The following DOCK9 variants were observed in gnomAD, a reference collection of about 807,000 sequenced individuals.
DOCK9 encodes the protein dedicator of cytokinesis protein 9.
Under a neutral mutation model 263.3 loss-of-function variants are expected in DOCK9, and 89 were observed. The ratio of observed to expected loss-of-function variants is 0.34; its 90% CI spans 0.28 to 0.40. The LOEUF is 0.40. Among genes scored for constraint, DOCK9 ranks in the 10% least tolerant of loss-of-function variants. The pLI, the probability that DOCK9 is intolerant of heterozygous loss-of-function variation, is 1.00. For missense variants in DOCK9, 2,140 were observed against 2,603.4 expected (o/e 0.82, Z 3.87); for synonymous variants, 976 against 973.1 (o/e 1.00, Z -0.06).
chr13:98,913,680 G>T (rs1398947132), intron 9 of DOCK9, among the ~76,000 whole-genome samples: 1 of 152,118 alleles, frequency 6.6e-6, no homozygotes, highest in Non-Finnish European at 1.5e-5. Flanking sequence ...TGGGAATAAG[G>T]ACAGTGTTTA....
At chr13:98,948,378 A>G (rs1164301185) in intron 2 of DOCK9, among the ~76,000 whole-genome samples, 1 of 152,192 alleles carries the variant, frequency 6.6e-6, no homozygotes, top group Non-Finnish European at 1.5e-5. Flanking sequence ...TCTTGCTAAG[A>G]CATTTATATA....
chr13:99,054,323 T>C (rs1170524805), intron 1 of DOCK9, among the ~76,000 whole-genome samples: 1 of 152,164 alleles, frequency 6.6e-6, no homozygotes, highest in African/African-American at 2.4e-5. Flanking sequence ...CGCCAAAAAT[T>C]TGAAAGGTGG....
At chr13:98,838,842 G>A (rs2093107062) in intron 38 of DOCK9, among the ~76,000 whole-genome samples, 1 of 152,146 alleles carries the variant, frequency 6.6e-6, no homozygotes, top group African/African-American at 2.4e-5. Flanking sequence ...AGGACATTTT[G>A]TACATAGATC....
intron 49 of DOCK9, 74 bp from the exon 50 acceptor site, chr13:98,800,552 A>G: frequency 6.6e-7 from 1 of 1,510,174 alleles, no homozygotes; most frequent in East Asian, 2.3e-5. Flanking sequence ...TTATTATTAG[A>G]AGTGATTATT....
chr13:98,958,614 A>T (rs564819175), intron 1 of DOCK9, among the ~76,000 whole-genome samples: 1 of 152,314 alleles, frequency 6.6e-6, no homozygotes, highest in African/African-American at 2.4e-5. Flanking sequence ...TTACAATAAA[A>T]CTTTATTTAT....
At chr13:99,027,169 G>A (rs1401110878) in intron 1 of DOCK9, among the ~76,000 whole-genome samples, 1 of 152,028 alleles carries the variant, frequency 6.6e-6, no homozygotes, top group Non-Finnish European at 1.5e-5. Flanking sequence ...ACAGGTGCCC[G>A]CCACCATGCC....
intron 2 of DOCK9, among the ~76,000 whole-genome samples, chr13:98,947,340 C>G (rs1187127413): frequency 6.6e-6 from 1 of 151,948 alleles, no homozygotes; most frequent in African/African-American, 2.4e-5. Flanking sequence ...AATAAATATA[C>G]CCTTAAGCTC....
chr13:98,979,229 T>TAGCAGCAGCAGCAGCAGC (rs1332460705), upstream of DOCK9, among the ~76,000 whole-genome samples: 5 of 125,050 alleles, frequency 4.0e-5, no homozygotes, highest in African/African-American at 1.7e-4. Context: ...GTAGTAGTAG[T>TAGCAGCAGCAGCAGCAGC]AGCAGCAGCG....
chr13:99,023,088 T>C (rs1886307688), intron 1 of DOCK9, among the ~76,000 whole-genome samples: 1 of 152,238 alleles, frequency 6.6e-6, no homozygotes, highest in Admixed American at 6.5e-5. Flanking sequence ...AATTACCATA[T>C]GATCCAGCAA....
At chr13:99,019,772 G>T (rs1255487794) in intron 1 of DOCK9, among the ~76,000 whole-genome samples, 1 of 152,142 alleles carries the variant, frequency 6.6e-6, no homozygotes, top group Non-Finnish European at 1.5e-5. Flanking sequence ...GAGTGGCCCT[G>T]ACAGTGAATT....
chr13:98,832,297 G>T (rs2092796071), intron 39 of DOCK9, among the ~76,000 whole-genome samples: 1 of 152,122 alleles, frequency 6.6e-6, no homozygotes, highest in Admixed American at 6.5e-5. Flanking sequence ...TACAGGCTTT[G>T]GTCAGGTACC....
chr13:98,829,716 CCAA>C lies in DOCK9; in HGVS notation c.4673_4675del (p.Val1558del), dbSNP rs1594431222. On this transcript the variant is annotated inframe_deletion, in exon 42 of 53. Coordinates refer to ENST00000682017, the MANE Select transcript of DOCK9 (RefSeq NM_001366683.2). This position sits in a 1 kb window ranked among gnomAD's most constrained non-coding sequence, Gnocchi z 4.1. The stretch of plus-strand genomic sequence containing the variant: ...CTGCTGGAATCTGGTTCCCCCAATG[CCAA>C]CAACGTCTGCTATCAGCTGGCTGAC... 1 of 1,610,354 alleles carries C rather than the reference CCAA, an allele frequency of 6.2e-7. No homozygotes were observed.
intron 1 of DOCK9, among the ~76,000 whole-genome samples, chr13:98,962,914 T>C (rs769732599): frequency 1.3e-4 from 20 of 152,096 alleles, no homozygotes; most frequent in Admixed American, 2.0e-4. Context: ...TCTGACCCCC[T>C]CCCATTAGGG....
intron 23 of DOCK9, 66 bp from the exon 24 acceptor site, chr13:98,882,073 C>T (rs1367936404): frequency 7.6e-7 from 1 of 1,308,696 alleles, no homozygotes; most frequent in African/African-American, 1.5e-5. Context: ...AAGTAACTTC[C>T]ACTCTTCCAA....
At chr13:98,947,471 C>A (rs371495895) in intron 2 of DOCK9, among the ~76,000 whole-genome samples, 1 of 146,450 alleles carries the variant, frequency 6.8e-6, no homozygotes, top group East Asian at 2.0e-4. Flanking sequence ...AATTAAAATT[C>A]TCATATCCTC....
chr13:98,991,210 T>A (rs1879723288), intron 1 of DOCK9, among the ~76,000 whole-genome samples: 1 of 152,106 alleles, frequency 6.6e-6, no homozygotes, highest in African/African-American at 2.4e-5. Context: ...TAGCTAAGAC[T>A]ATAGGCATGC....
intron 1 of DOCK9, among the ~76,000 whole-genome samples, chr13:99,060,424 C>A (rs1289255149): frequency 1.3e-5 from 2 of 152,100 alleles, no homozygotes; most frequent in African/African-American, 4.8e-5. Context: ...ACTAAGAACA[C>A]ACAAGTACAC....
intron 30 of DOCK9, among the ~76,000 whole-genome samples, chr13:98,866,317 G>C (rs2094022892): frequency 6.6e-6 from 1 of 152,168 alleles, no homozygotes; most frequent in South Asian, 2.1e-4. Context: ...AGTTGGTGCG[G>C]GGTAAATATT....
intron 25 of DOCK9, among the ~76,000 whole-genome samples, chr13:98,880,932 C>G (rs931774557): frequency 2.0e-5 from 3 of 152,084 alleles, no homozygotes; most frequent in African/African-American, 7.3e-5. Context: ...CCAGGGGCTT[C>G]AAGGAATGTG....
Sources: gnomAD v4.1 joint callset for allele counts (sites outside exome capture counted in the v4.1 genomes callset) on GRCh38, gnomAD v4.1.1 for gene constraint, Gnocchi (gnomAD v3.1) non-coding constraint, MANE v1.5 for transcripts, NCBI Gene and HGNC (gene_info 2026-07-23, HGNC 2026-07-21) for gene names.